ITGA10: variants seen among roughly 807,000 people sequenced by gnomAD.
ITGA10 encodes integrin subunit alpha 10.
ITGA10 carries 105 observed loss-of-function variants against 145.2 expected under a neutral mutation model. That is an observed-to-expected ratio of 0.72 (90% CI 0.62 to 0.85). The LOEUF (loss-of-function observed/expected upper bound fraction) is 0.85. Ranked by LOEUF, ITGA10 falls within the 40% of genes least tolerant of loss-of-function variation. The pLI is 0.00. For missense variants in ITGA10, 1,317 were observed against 1,444.5 expected (o/e 0.91, Z 1.43); for synonymous variants, 506 against 557.8 (o/e 0.91, Z 1.31).
chr1:145,898,699 A>G (rs1159497144), intron 17 of ITGA10, among the ~76,000 whole-genome samples: 1 of 152,110 alleles, frequency 6.6e-6, no homozygotes, highest in Non-Finnish European at 1.5e-5. Flanking sequence ...CCTATGATAC[A>G]GTTATTATTA....
At position 145,897,875 on chromosome 1, in the gene ITGA10, G is replaced by T. The variant is rs782461819; in HGVS notation, c.2372C>A (p.Pro791His). The change falls in exon 19 of 30, where the codon CCT (proline) becomes CAT (histidine). Residue 791 changes from proline to histidine, a missense_variant. Physicochemically the swap from Pro to His is moderately conservative, Grantham distance 77 (BLOSUM62 -2). Coordinates refer to ENST00000369304, the MANE Select transcript of ITGA10 (RefSeq NM_003637.5). ...CAGGTCTGTGACACATTCATTGTCAGGGCCACAATCCTTTGAGAAGGGGAC... is the reference window on the plus strand; with the variant it reads ...CAGGTCTGTGACACATTCATTGTCATGGCCACAATCCTTTGAGAAGGGGAC... ...KLVPFSKDCG[P>H]DNECVTDLVL... The T allele has an allele frequency of 6.8e-6, 11 of 1,614,086 alleles. No individual in the cohort carries two copies. The highest frequency in any genetic ancestry group is 7.6e-6 in the Non-Finnish European group (9 of 1,179,932).
intron 27 of ITGA10, among the ~76,000 whole-genome samples, chr1:145,894,932 T>G (rs1364828310): frequency 6.6e-6 from 1 of 152,086 alleles, no homozygotes; most frequent in East Asian, 1.9e-4. Flanking sequence ...TAAATTTAGG[T>G]ATCCTGCAAA....
intron 6 of ITGA10, 131 bp downstream of exon 6, chr1:145,904,552 AT>A: frequency 1.0e-6 from 1 of 961,380 alleles, no homozygotes; most frequent in Non-Finnish European, 1.5e-6. Flanking sequence ...TTTCTTTCAT[AT>A]TTTTAGAGAT....
Position 145,896,301 on chromosome 1 carries a change from C to T in ITGA10, c.2886G>A (p.Val962=). ...TGGTTTTGAATTCTGGGCCAGGACC[C>T]ACTGGGAGGGTCCCATATGGGTGAA... The part of the protein sequence containing the change: ...YEVHPYGTLP[V]GPGPEFKTTL... The change falls in exon 24 of 30, where the codon GTG becomes GTA. Residue 962 remains valine, a synonymous_variant. Transcript: ENST00000369304. The T allele has an allele frequency of 1.9e-6, 3 of 1,614,128 alleles. No individual in the cohort carries two copies. The highest frequency in any genetic ancestry group is 1.7e-6 in the Non-Finnish European group (2 of 1,179,952).
rs587624195 is a variant in ITGA10, at chr1:145,900,830, T to C, written c.1751A>G (p.Tyr584Cys). The C allele has an allele frequency of 1.2e-6, 2 of 1,614,096 alleles. No homozygotes were observed. The highest frequency in any genetic ancestry group is 1.7e-6 in the Non-Finnish European group (2 of 1,180,006). ...EDGHQGALYL[Y>C]HGTQSGVRPH... is the part of the protein sequence containing the mutation. The stretch of plus-strand genomic sequence containing the variant: ...CCTGACTCCACTCTGGGTTCCATGG[T>C]ACAGGTACAGTGCTCCCTGGTGCCC... The change falls in exon 14 of 30, where the codon TAC becomes TGC. Residue 584 changes from tyrosine (Y) to cysteine (C), a missense_variant. Transcript: ENST00000369304.
intron 23 of ITGA10, 38 bp from the exon 24 acceptor site, chr1:145,896,390 C>T: frequency 6.7e-7 from 1 of 1,490,144 alleles, no homozygotes; most frequent in Non-Finnish European, 9.4e-7. Flanking sequence ...ATGGTCACAG[C>T]CATAACACAG....
intron 24 of ITGA10, 30 bp downstream of exon 24, chr1:145,896,238 C>T: frequency 6.4e-7 from 1 of 1,574,462 alleles, no homozygotes; most frequent in Non-Finnish European, 8.7e-7. Context: ...CCCACATTCT[C>T]CTCATGCCAA....
rs1655843453 is a variant in ITGA10, at chr1:145,899,004, A to G, written c.2164T>C (p.Leu722=). 2.5e-6 allele frequency: 4 copies of G among 1,614,192 alleles called. No individual in the cohort carries two copies. Among genetic ancestry groups the G allele is most frequent in the Non-Finnish European group, 3.4e-6 (4 of 1,180,036 alleles). ...CTGAGCCGGAGCCTCCGAGGGGACA[A>G]CCTCTGGCCAGAGCCATCAAATGCT... ...RAAFDGSGQR[L]SPRRLRLSVG... Residue 722 remains leucine, a synonymous_variant, in exon 17 of 30, where the codon TTG becomes CTG. Coordinates refer to ENST00000369304, the MANE Select transcript of ITGA10 (RefSeq NM_003637.5).
intron 19 of ITGA10, 30 bp downstream of exon 19, chr1:145,897,785 C>G: frequency 6.2e-7 from 1 of 1,610,488 alleles, no homozygotes; most frequent in South Asian, 1.1e-5. Context: ...CTCAGGTCAC[C>G]CTGGTTTGCC....
intron 17 of ITGA10, among the ~76,000 whole-genome samples, chr1:145,898,432 G>GCA (rs1655754611): frequency 1.3e-5 from 2 of 152,160 alleles, no homozygotes; most frequent in African/African-American, 4.8e-5. Flanking sequence ...GCAGTGGCAT[G>GCA]ATCTCGGCTC....
chr1:145,906,130 T>C (rs1657108381), intron 5 of ITGA10: 1 of 338,944 alleles, frequency 3.0e-6, no homozygotes, highest in East Asian at 6.5e-5. Context: ...AGTTTCACCA[T>C]GTTGGCCAGG....
chr1:145,899,371 C>T (rs782704379), intron 15 of ITGA10, 30 bp from the exon 16 acceptor site: 5 of 1,605,648 alleles, frequency 3.1e-6, no homozygotes, highest in Non-Finnish European at 4.3e-6. Context: ...GAAATTCTAG[C>T]AGTAGGAGGT....
chr1:145,906,346 C>A, intron 5 of ITGA10, 48 bp downstream of exon 5: 1 of 1,431,922 alleles, frequency 7.0e-7, no homozygotes, highest in Non-Finnish European at 9.8e-7. Flanking sequence ...TTTTTCCCAC[C>A]CAGTATCTCC....
chr1:145,893,159 A>G lies in ITGA10; in HGVS notation c.3438+2T>C. The G allele has an allele frequency of 6.2e-7, 1 of 1,600,232 alleles. No individual in the cohort carries two copies. The highest frequency in any genetic ancestry group is 8.6e-7 in the Non-Finnish European group (1 of 1,167,434). On this transcript the variant is annotated splice_donor_variant, in intron 29 of 29. Transcript: ENST00000369304. LOFTEE classifies it high-confidence loss of function. ...CACACTCCCCACTAAAGCAGTGCTT[A>G]CCTTCCACAGGCAGAAGACAAGGAG...
intron 6 of ITGA10, among the ~76,000 whole-genome samples, 167 bp from the exon 7 acceptor site, chr1:145,904,367 T>G (rs1553750361): frequency 1.3e-5 from 2 of 152,006 alleles, no homozygotes; most frequent in Non-Finnish European, 2.9e-5. Flanking sequence ...CCATCCATAT[T>G]GCCTTTCTCT....
intron 14 of ITGA10, 140 bp downstream of exon 14, chr1:145,900,650 C>A: frequency 1.2e-6 from 1 of 809,140 alleles, no homozygotes; most frequent in South Asian, 1.7e-5. Flanking sequence ...GCAACCTGTC[C>A]ACTGCCTTAT....
rs587598162 is a variant in ITGA10, at chr1:145,900,163, G to A, written c.1816C>T (p.His606Tyr). The A allele has an allele frequency of 4.3e-6, 7 of 1,613,744 alleles. No homozygotes were observed. In the South Asian group the frequency reaches 7.7e-5, roughly 18 times the overall value. Residue 606 changes from histidine to tyrosine, a missense_variant, in exon 15 of 30, where the codon CAT (histidine) becomes TAT (tyrosine). Physicochemically the swap from His to Tyr is moderately conservative, Grantham distance 83. Coordinates refer to ENST00000369304, the MANE Select transcript of ITGA10 (RefSeq NM_003637.5). ...CTTCGGCCAAAGTAGCTGAGGGCAT[G>A]TGGCATGGAGGCAGCAGCAATCCTC... ...AQRIAAASMPHALSYFGRSVD... is the reference protein window; with the variant it reads ...AQRIAAASMPYALSYFGRSVD...
In ITGA10 at chr1:145,902,976, G is replaced by C. The variant is rs1553749658; in HGVS notation, c.759-15C>G. 1 of 1,570,606 alleles carries C rather than the reference G, an allele frequency of 6.4e-7. No individual in the cohort carries two copies. The highest frequency in any genetic ancestry group is 8.6e-7 in the Non-Finnish European group (1 of 1,160,638). The stretch of plus-strand genomic sequence containing the variant: ...ACCCTTCTGTGCTGAGAAGAGAAAG[G>C]AGTGAGGTGAGATCAGATGTATGCA... On this transcript the variant is annotated splice_polypyrimidine_tract_variant and intron_variant, in intron 7 of 29. Transcript: ENST00000369304.
In ITGA10 at chr1:145,898,096, A is replaced by G. The variant is rs1294056638; in HGVS notation, c.2346+14T>C. 5 of 1,555,284 alleles carry G rather than the reference A, an allele frequency of 3.2e-6. No individual in the cohort carries two copies. The highest frequency in any genetic ancestry group is 1.4e-5 in the African/African-American group (1 of 73,764). On this transcript the variant is annotated intron_variant, in intron 18 of 29. Transcript: ENST00000369304. ...CAGTGTTGGGAGCAAGGGGCAGGGC[A>G]TGGCACTGCTGACCAGCTTTTGTAT...
Sources: gnomAD v4.1 joint callset for allele counts (sites outside exome capture counted in the v4.1 genomes callset) on GRCh38, gnomAD v4.1.1 for gene constraint, MANE v1.5 for transcripts, NCBI Gene and HGNC (gene_info 2026-07-23, HGNC 2026-07-21) for gene names.